The following MAST4 variants were observed in gnomAD, a reference collection of about 807,000 sequenced individuals.
The protein encoded by MAST4 is microtubule associated serine/threonine kinase family member 4, also known as microtubule-associated serine/threonine-protein kinase 4.
MAST4 carries 89 observed loss-of-function variants against 162.7 expected under a neutral mutation model. The observed-to-expected ratio is 0.55, with a 90% CI of 0.46 to 0.65. The LOEUF (loss-of-function observed/expected upper bound fraction) is 0.65, where lower values mean the gene tolerates loss of function less well. Among genes scored for constraint, MAST4 ranks in the 30% least tolerant of loss-of-function variants. MAST4 has a pLI of 0.00. For missense variants in MAST4, 3,153 were observed against 3,374.0 expected (o/e 0.93, Z 1.62); for synonymous variants, 1,479 against 1,361.1 (o/e 1.09, Z -1.91).
chr5:66,815,853 C>G (rs1281242047), intron 3 of MAST4, among the ~76,000 whole-genome samples: 2 of 152,116 alleles, frequency 1.3e-5, no homozygotes, highest in Admixed American at 6.5e-5. Flanking sequence ...CCTGCTGTCC[C>G]AGAGGAGAGT....
chr5:66,802,797 C>A (rs1163779187), intron 3 of MAST4, among the ~76,000 whole-genome samples: 1 of 152,156 alleles, frequency 6.6e-6, no homozygotes, highest in Non-Finnish European at 1.5e-5. Context: ...CATGGTCTGG[C>A]TCAAGAGTGA....
chr5:67,115,995 C>A (rs940368760), intron 12 of MAST4, among the ~76,000 whole-genome samples: 21 of 152,044 alleles, frequency 1.4e-4, no homozygotes, highest in African/African-American at 4.8e-4. Context: ...CCAGTGAGTT[C>A]TTTAGTTTTC....
intron 4 of MAST4, among the ~76,000 whole-genome samples, chr5:67,015,723 C>A (rs1753211282): frequency 6.6e-6 from 1 of 152,140 alleles, no homozygotes. Context: ...GGCCAAAAGA[C>A]AGAGAAACCA....
intron 4 of MAST4, among the ~76,000 whole-genome samples, chr5:66,974,057 G>A (rs573249703): frequency 8.8e-4 from 134 of 152,084 alleles, no homozygotes; most frequent in Non-Finnish European, 1.6e-3. Flanking sequence ...CCTGAGTGGC[G>A]CTCTCCTTCA....
Position 67,050,901 on chromosome 5 carries a change from C to T in MAST4, c.675-3503C>T, listed in dbSNP as rs956252869. ...TTAGTCTCATGTTGGGCTTTCACGTCGGAGCATGGGCATGGTGAATGGCTT... is the reference window on the plus strand; with the variant it reads ...TTAGTCTCATGTTGGGCTTTCACGTTGGAGCATGGGCATGGTGAATGGCTT... On this transcript the variant is annotated intron_variant, in intron 4 of 28. Coordinates refer to ENST00000403625, the MANE Select transcript of MAST4 (RefSeq NM_001164664.2). Among the ~76,000 whole-genome samples, 6 of 152,226 alleles carry T rather than the reference C, an allele frequency of 3.9e-5. No homozygotes were observed. In the East Asian group the frequency reaches 7.7e-4, roughly 20 times the overall value.
At chr5:66,974,056 C>T (rs888036023) in intron 4 of MAST4, among the ~76,000 whole-genome samples, 1 of 152,092 alleles carries the variant, frequency 6.6e-6, no homozygotes, top group Non-Finnish European at 1.5e-5. Context: ...ACCTGAGTGG[C>T]GCTCTCCTTC....
At chr5:67,062,366 C>G (rs897993293) in intron 5 of MAST4, among the ~76,000 whole-genome samples, 3 of 152,070 alleles carry the variant, frequency 2.0e-5, no homozygotes, top group African/African-American at 7.2e-5. Flanking sequence ...CCACTGCACT[C>G]CAGCCTGGGC....
intron 26 of MAST4, among the ~76,000 whole-genome samples, chr5:67,157,816 C>T (rs556733809): frequency 6.6e-6 from 1 of 152,316 alleles, no homozygotes; most frequent in Admixed American, 6.5e-5. Context: ...GGATAACAAA[C>T]TCTTCTAGGC....
chr5:66,732,821 C>T (rs879295608), intron 1 of MAST4, among the ~76,000 whole-genome samples: 20 of 152,210 alleles, frequency 1.3e-4, no homozygotes, highest in East Asian at 5.8e-4. Flanking sequence ...TGGGTTGATC[C>T]GCTTGCTTCT....
intron 1 of MAST4, among the ~76,000 whole-genome samples, chr5:66,621,506 C>T (rs183707602): frequency 1.9e-3 from 290 of 152,252 alleles, no homozygotes; most frequent in African/African-American, 6.7e-3. Flanking sequence ...AGGCATTAGC[C>T]ATATCTTCTT....
intron 3 of MAST4, among the ~76,000 whole-genome samples, chr5:66,894,851 C>T (rs78794867): frequency 0.028 from 4,038 of 142,818 alleles, 67 homozygotes; most frequent in Non-Finnish European, 0.046. Context: ...CCCTACCTCC[C>T]ACTATACTAG....
At chr5:66,666,777 A>T (rs529013062) in intron 1 of MAST4, among the ~76,000 whole-genome samples, 1 of 152,340 alleles carries the variant, frequency 6.6e-6, no homozygotes, top group Non-Finnish European at 1.5e-5. Flanking sequence ...AATAGTCCTG[A>T]GAAATGTGAG....
chr5:67,094,634 TTAAAG>T (rs1764233967), intron 6 of MAST4, among the ~76,000 whole-genome samples: 1 of 152,138 alleles, frequency 6.6e-6, no homozygotes, highest in Admixed American at 6.5e-5. Flanking sequence ...AGTCTTGCGT[TTAAAG>T]TAATAGCTCT....
intron 2 of MAST4, among the ~76,000 whole-genome samples, chr5:66,781,979 G>A (rs1433276037): frequency 2.0e-5 from 3 of 152,048 alleles, no homozygotes; most frequent in Non-Finnish European, 2.9e-5. Context: ...TTCCAGCTTC[G>A]GGGTGCTTTG....
intron 1 of MAST4, among the ~76,000 whole-genome samples, chr5:66,677,990 T>G (rs985449364): frequency 2.0e-5 from 3 of 152,260 alleles, no homozygotes; most frequent in Admixed American, 2.0e-4. Context: ...GATTGTGAAG[T>G]CAGGAAGAGT....
chr5:66,874,828 T>C (rs1761186558), intron 3 of MAST4, among the ~76,000 whole-genome samples: 1 of 152,226 alleles, frequency 6.6e-6, no homozygotes, highest in Admixed American at 6.5e-5. Flanking sequence ...TCTTCTTTTC[T>C]CACTACTATA....
intron 2 of MAST4, among the ~76,000 whole-genome samples, chr5:66,772,187 A>G (rs1457799904): frequency 4.6e-5 from 7 of 152,170 alleles, no homozygotes; most frequent in Non-Finnish European, 2.9e-5. Flanking sequence ...GGGGAGGAGG[A>G]GATAAGGTAG....
chr5:67,051,098 A>G (rs1287949962), intron 4 of MAST4, among the ~76,000 whole-genome samples: 1 of 152,166 alleles, frequency 6.6e-6, no homozygotes, highest in Non-Finnish European at 1.5e-5. Flanking sequence ...GGTGAGTTAT[A>G]AAAAAGATAT....
At chr5:66,908,175 C>G (rs189705436) in intron 4 of MAST4, among the ~76,000 whole-genome samples, 2 of 152,288 alleles carry the variant, frequency 1.3e-5, no homozygotes, top group African/African-American at 2.4e-5. Context: ...ATGTATTCAT[C>G]GAATAGCCAG....
Sources: gnomAD v4.1 joint callset for allele counts (sites outside exome capture counted in the v4.1 genomes callset) on GRCh38, gnomAD v4.1.1 for gene constraint, MANE v1.5 for transcripts, NCBI Gene and HGNC (gene_info 2026-07-23, HGNC 2026-07-21) for gene names.